PRKDC: variants seen among roughly 807,000 people sequenced by gnomAD.
The protein encoded by PRKDC is DNA-dependent protein kinase catalytic subunit.
A neutral mutation model predicts 486.9 loss-of-function variants in PRKDC; 82 were observed. The ratio of observed to expected loss-of-function variants is 0.17; its 90% confidence interval spans 0.14 to 0.20. The LOEUF (loss-of-function observed/expected upper bound fraction) is 0.20, where lower values mean the gene tolerates loss of function less well. PRKDC is among the 10% of genes least tolerant of loss of function. The probability of loss-of-function intolerance (pLI) is 1.00; values close to 1 mark genes in which losing one functional copy is unlikely to be tolerated. For missense variants in PRKDC, 4,504 were observed against 5,038.2 expected, an observed-to-expected ratio of 0.89 and a Z score of 3.21; for synonymous variants, 1,895 against 1,837.0, an observed-to-expected ratio of 1.03 and a Z score of -0.81.
At chr8:47,781,547 ATGTTTCTCATGT>A (rs2086699281) in intron 80 of PRKDC, among the ~76,000 whole-genome samples, 1 of 152,198 alleles carries the variant, frequency 6.6e-6, no homozygotes, top group South Asian at 2.1e-4. Context: ...AACCCTCAAA[ATGTTTCTCATGT>A]TGTCCTTGTT....
intron 78 of PRKDC, 116 bp downstream of exon 78, chr8:47,783,626 T>A (rs2086737286): frequency 2.0e-6 from 2 of 991,824 alleles, no homozygotes; most frequent in Non-Finnish European, 3.0e-6. Context: ...TATGCTAAAC[T>A]TGATATATCT....
Position 47,957,419 on chromosome 8 carries a change from G to T in PRKDC, c.167C>A (p.Ser56Tyr). ...ACCGAAATCTCTGGAAAAAACTAAA[G>T]ATGTCTGTAATGCTGTTCAAAAAAA... ...SSPAVLALQT[S>Y]LVFSRDFGLL... is the part of the protein sequence containing the mutation. Residue 56 changes from serine (S) to tyrosine (Y), a missense_variant, in exon 2 of 86, where the codon TCT becomes TAT. Coordinates refer to ENST00000314191, the MANE Select transcript of PRKDC (RefSeq NM_006904.7). The T allele has an allele frequency of 6.3e-7, 1 of 1,583,118 alleles. No individual in the cohort carries two copies.
chr8:47,827,003 A>C, intron 62 of PRKDC, 142 bp from the exon 63 acceptor site: 1 of 766,374 alleles, frequency 1.3e-6, no homozygotes, highest in Middle Eastern at 3.2e-4. Context: ...TAATGCTATT[A>C]ACACATTTTC....
Position 47,814,272 on chromosome 8 carries a change from G to A in PRKDC, c.9557+3178C>T, listed in dbSNP as rs530616017. On this transcript the variant is annotated intron_variant, in intron 68 of 85. Transcript: ENST00000314191. ...TACAAAAAAATTATTTTTTAAAGCT[G>A]AGTGAGTGAACTATCTTCTCTAACA... 9.8e-5 allele frequency among the ~76,000 whole-genome samples: 15 copies of A among 152,324 alleles called. No individual in the cohort carries two copies. In the East Asian group the frequency reaches 2.9e-3, roughly 29 times the overall value.
At chr8:47,865,721 T>C (rs917297425) in intron 40 of PRKDC, among the ~76,000 whole-genome samples, 1 of 152,104 alleles carries the variant, frequency 6.6e-6, no homozygotes, top group African/African-American at 2.4e-5. Context: ...CTAGATGCCA[T>C]ACAGGATTTG....
rs2086630295 is a variant in PRKDC at position 47,777,754 on chromosome 8, G to A, written c.11974C>T (p.Arg3992Cys). The change falls in exon 84 of 86, where the codon CGC becomes TGC. Residue 3992 changes from arginine (R) to cysteine (C), a missense_variant. This residue lies in a region of PRKDC where 706 missense variants were observed against 945.0 expected (regional missense o/e 0.75). Coordinates refer to ENST00000314191, the MANE Select transcript of PRKDC (RefSeq NM_006904.7). ...SIMVHALRAF[R>C]SDPGLLTNTM... is the part of the protein sequence containing the mutation. ...TTGGTGAGCAGGCCAGGGTCTGAGCGGAAGGCCCGGAGTGCGTGTACCATG... is the reference window on the plus strand; with the variant it reads ...TTGGTGAGCAGGCCAGGGTCTGAGCAGAAGGCCCGGAGTGCGTGTACCATG... 3.1e-6 allele frequency: 5 copies of A among 1,613,772 alleles called. No homozygotes were observed. The highest frequency in any genetic ancestry group is 4.2e-6 in the Non-Finnish European group (5 of 1,179,734).
At position 47,933,051 on chromosome 8, in the gene PRKDC, G is replaced by A. The variant is rs754704193; in HGVS notation, c.1745C>T (p.Thr582Ile). The change falls in exon 16 of 86, where the codon ACA (threonine) becomes ATA (isoleucine). Residue 582 changes from threonine to isoleucine, a missense_variant. Physicochemically the swap from Thr to Ile is moderately conservative, Grantham distance 89. Transcript: ENST00000314191. ...TTCCCCAACAGTCTGTATTTCAAGT[G>A]TAAGATCCAATTTCTCAACAATCTT... ...VLKIVEKLDL[T>I]LEIQTVGEQE... 8 of 1,598,134 alleles carry A rather than the reference G, an allele frequency of 5.0e-6. No homozygotes were observed. Among genetic ancestry groups the A allele is most frequent in the Non-Finnish European group, 6.8e-6 (8 of 1,174,220 alleles).
chr8:47,777,636 C>T (rs1234606398), intron 84 of PRKDC, 50 bp downstream of exon 84: 3 of 1,499,028 alleles, frequency 2.0e-6, no homozygotes, highest in African/African-American at 2.8e-5. Flanking sequence ...CCAGCTTGAT[C>T]ACGGGGACAC....
At chr8:47,784,257 CAAA>C (rs538749759) in intron 77 of PRKDC, 34 of 102,826 alleles carry the variant, frequency 3.3e-4, no homozygotes, top group South Asian at 1.4e-3. Flanking sequence ...GACTCCATCG[CAAA>C]AAAAAAAAAA....
chr8:47,874,217 G>A (rs916232138), intron 40 of PRKDC, among the ~76,000 whole-genome samples: 22 of 151,718 alleles, frequency 1.5e-4, no homozygotes, highest in Non-Finnish European at 3.1e-4. Flanking sequence ...CCAAAGTGCT[G>A]GGATTACAGG....
At chr8:47,901,815 T>C (rs1216778908) in intron 27 of PRKDC, among the ~76,000 whole-genome samples, 3 of 152,124 alleles carry the variant, frequency 2.0e-5, no homozygotes, top group African/African-American at 7.2e-5. Context: ...CACAGGTAAA[T>C]GTGGTACACA....
chr8:47,848,628 T>C lies in PRKDC; in HGVS notation c.7280+526A>G, dbSNP rs147060161. On this transcript the variant is annotated intron_variant, in intron 54 of 85. Coordinates refer to ENST00000314191, the MANE Select transcript of PRKDC (RefSeq NM_006904.7). ...ACAAACCTGCACTTGTACTTCCTTA[T>C]TCAAAAATAAAAGTTGAAAAAAATG... Among the ~76,000 whole-genome samples the C allele has an allele frequency of 7.2e-4, 108 of 149,560 alleles. No individual in the cohort carries two copies. The Middle Eastern group carries it at 0.01, about 14-fold the overall frequency.
chr8:47,911,456 C>A (rs1178270592), intron 25 of PRKDC, among the ~76,000 whole-genome samples: 1 of 152,236 alleles, frequency 6.6e-6, no homozygotes, highest in Non-Finnish European at 1.5e-5. Flanking sequence ...TGGAGAGGTT[C>A]ATTGCTACGT....
At chr8:47,953,483 C>G (rs2090657839) in intron 7 of PRKDC, 137 bp downstream of exon 7, 2 of 824,128 alleles carry the variant, frequency 2.4e-6, no homozygotes, top group South Asian at 3.2e-5. Context: ...CTCGGGAGGG[C>G]CCACAGGTCC....
At chr8:47,912,293 C>CA in intron 25 of PRKDC, 117 bp downstream of exon 25, 1 of 1,175,286 alleles carries the variant, frequency 8.5e-7, no homozygotes, top group Non-Finnish European at 1.1e-6. Context: ...GGGTAGCAGT[C>CA]AGGGAGCAGT....
chr8:47,872,080 A>C (rs1465231983), intron 40 of PRKDC, among the ~76,000 whole-genome samples: 2 of 152,210 alleles, frequency 1.3e-5, no homozygotes, highest in Non-Finnish European at 2.9e-5. Context: ...ACTTTTCCAG[A>C]TATAGACAGT....
chr8:47,902,769 A>G lies in PRKDC; in HGVS notation c.3069T>C (p.Ser1023=), dbSNP rs2154502368. Residue 1023 remains serine, a synonymous_variant, in exon 27 of 86, where the codon AGT becomes AGC. Transcript: ENST00000314191. ...ILDGIVDPVD[S]TLRDFCGRCI... ...ACCGACCACAAAAATCTCTTAAAGT[A>G]CTGTCAACAGGGTCCACAATTCCAT... The G allele has an allele frequency of 6.2e-7, 1 of 1,612,932 alleles. No individual in the cohort carries two copies. The highest frequency in any genetic ancestry group is 1.7e-4 in the Middle Eastern group (1 of 5,954).
chr8:47,851,380 T>C (rs1183044196), intron 52 of PRKDC, among the ~76,000 whole-genome samples: 1 of 152,232 alleles, frequency 6.6e-6, no homozygotes, highest in South Asian at 2.1e-4. Context: ...TCTGTTTATT[T>C]ACAAAAATAG....
At chr8:47,777,487 G>A (rs1381414147) in intron 84 of PRKDC, among the ~76,000 whole-genome samples, 199 bp downstream of exon 84, 1 of 152,158 alleles carries the variant, frequency 6.6e-6, no homozygotes, top group Non-Finnish European at 1.5e-5. Context: ...GGGATTATAG[G>A]TGTGAGCCAC....
Sources: allele counts gnomAD v4.1 joint callset (sites outside exome capture counted in the v4.1 genomes callset), GRCh38; gene constraint gnomAD v4.1.1; regional missense constraint gnomAD v4.1.1; transcripts MANE v1.5; gene names NCBI Gene and HGNC (gene_info 2026-07-23, HGNC 2026-07-21).